The following PRRX2 variants were observed in gnomAD, a reference collection of about 807,000 sequenced individuals.
The protein encoded by PRRX2 is paired related homeobox 2, also known as paired mesoderm homeobox protein 2.
A neutral mutation model predicts 18.0 loss-of-function variants in PRRX2; 11 were observed. That is an observed-to-expected ratio of 0.61 (90% CI 0.39 to 1.01). The LOEUF (loss-of-function observed/expected upper bound fraction) is 1.01. PRRX2 is among the 50% of genes least tolerant of loss of function. The pLI is 0.01. For synonymous variants in PRRX2, 177 were observed against 154.8 expected (o/e 1.14, Z -1.06); for missense variants, 387 against 351.0 (o/e 1.10, Z -0.82).
intron 1 of PRRX2, among the ~76,000 whole-genome samples, chr9:129,698,905 T>G (rs371701884): frequency 7.9e-5 from 12 of 152,194 alleles, no homozygotes; most frequent in African/African-American, 2.9e-4. Context: ...AACAAGGTGG[T>G]TCGTTCCTAA....
chr9:129,700,671 G>A (rs1832482784), intron 1 of PRRX2, among the ~76,000 whole-genome samples: 1 of 152,104 alleles, frequency 6.6e-6, no homozygotes, highest in Admixed American at 6.6e-5. Flanking sequence ...AGGCTGGAGT[G>A]CAGTGGCACA....
intron 1 of PRRX2, among the ~76,000 whole-genome samples, chr9:129,710,062 G>A (rs182980228): frequency 1.6e-3 from 250 of 152,312 alleles, no homozygotes; most frequent in Non-Finnish European, 3.1e-3. Flanking sequence ...AGAGGCACAG[G>A]GCTTTTTGGG....
At chr9:129,669,005 G>A (rs542806600) in intron 1 of PRRX2, among the ~76,000 whole-genome samples, 32 of 151,820 alleles carry the variant, frequency 2.1e-4, no homozygotes, top group Admixed American at 1.6e-3. Flanking sequence ...AAATTAGTCA[G>A]GTGTGGTGAC....
chr9:129,717,691 G>A lies in PRRX2; in HGVS notation c.260-1540G>A, dbSNP rs1832727627. Among the ~76,000 whole-genome samples, 6 of 94,994 alleles carry A rather than the reference G, an allele frequency of 6.3e-5. No homozygotes were observed. In the South Asian group the frequency reaches 1.3e-3, roughly 21 times the overall value. The allele number at this position is 94,994 out of a possible 152,430, so 62.3% of individuals were successfully genotyped here. On this transcript the variant is annotated intron_variant, in intron 1 of 3. Transcript: ENST00000372469. Reference sequence around the variant, plus strand: ...AGCCTGGAGGACAGAACAAGACTCCGCCTCAAAAAAAAAAAAAAAAAAAGA... The same window carrying A: ...AGCCTGGAGGACAGAACAAGACTCCACCTCAAAAAAAAAAAAAAAAAAAGA...
intron 1 of PRRX2, among the ~76,000 whole-genome samples, chr9:129,689,036 G>A (rs1013696952): frequency 6.6e-6 from 1 of 152,220 alleles, no homozygotes; most frequent in African/African-American, 2.4e-5. Context: ...GAAATGTTGT[G>A]TGTCGTTGGC....
intron 1 of PRRX2, among the ~76,000 whole-genome samples, chr9:129,674,231 C>A (rs2119053470): frequency 6.6e-6 from 1 of 152,304 alleles, no homozygotes; most frequent in South Asian, 2.1e-4. Context: ...TTGTGCCCAG[C>A]CAGGCTCTGG....
In PRRX2 at chr9:129,715,750, T is replaced by TCTCTCTCTCACACACA. The variant is rs762929485; in HGVS notation, c.260-3480_260-3479insTCTCTCTCACACACAC. ...AAACCCAGCTTCAGGGACATCTTTC[T>TCTCTCTCTCACACACA]CACACACACACACACACACACACAC... On this transcript the variant is annotated intron_variant, in intron 1 of 3. Coordinates refer to ENST00000372469, the MANE Select transcript of PRRX2 (RefSeq NM_016307.4). This position sits in a 1 kb window ranked among gnomAD's most constrained non-coding sequence, Gnocchi z 4.0. 2.9e-4 allele frequency among the ~76,000 whole-genome samples: 40 copies of TCTCTCTCTCACACACA among 138,952 alleles called. No individual in the cohort carries two copies. Among genetic ancestry groups the TCTCTCTCTCACACACA allele is most frequent in the African/African-American group, 9.5e-4 (35 of 36,916 alleles). The allele number at this position is 138,952 out of a possible 152,430, so 91.2% of individuals were successfully genotyped here.
At chr9:129,697,775 C>G (rs528686525) in intron 1 of PRRX2, among the ~76,000 whole-genome samples, 2 of 152,134 alleles carry the variant, frequency 1.3e-5, no homozygotes, top group African/African-American at 4.8e-5. Context: ...ACCTGCCCCC[C>G]TGCTAGCGCC....
At chr9:129,682,350 T>C (rs1588164259) in intron 1 of PRRX2, among the ~76,000 whole-genome samples, 1 of 152,150 alleles carries the variant, frequency 6.6e-6, no homozygotes, top group Admixed American at 6.5e-5. Flanking sequence ...ATTACTGCCA[T>C]TGCTATTATT....
intron 1 of PRRX2, among the ~76,000 whole-genome samples, chr9:129,676,156 A>G (rs1832160577): frequency 6.6e-6 from 1 of 151,938 alleles, no homozygotes; most frequent in African/African-American, 2.4e-5. Flanking sequence ...CTGCTCAGTC[A>G]TTCACCCGCT....
At chr9:129,666,894 C>A (rs1056264135) in intron 1 of PRRX2, among the ~76,000 whole-genome samples, 1 of 152,212 alleles carries the variant, frequency 6.6e-6, no homozygotes, top group Non-Finnish European at 1.5e-5. Flanking sequence ...AGGCCCCTGT[C>A]CCCTAGCTCT....
At chr9:129,693,292 A>T (rs958799858) in intron 1 of PRRX2, among the ~76,000 whole-genome samples, 9 of 151,942 alleles carry the variant, frequency 5.9e-5, no homozygotes, top group South Asian at 2.1e-4. Flanking sequence ...ATAGTCTTTT[A>T]AAAAAAATAG....
intron 1 of PRRX2, among the ~76,000 whole-genome samples, chr9:129,680,971 C>T (rs1832220999): frequency 6.6e-6 from 1 of 152,216 alleles, no homozygotes. Flanking sequence ...AGATTAATTA[C>T]GACATCTAGA....
chr9:129,677,220 G>A (rs758538256), intron 1 of PRRX2, among the ~76,000 whole-genome samples: 12 of 152,232 alleles, frequency 7.9e-5, no homozygotes, highest in Non-Finnish European at 1.8e-4. Flanking sequence ...GCCAGTCTCC[G>A]AGCTCTAGGA....
At chr9:129,674,298 C>A (rs558248211) in intron 1 of PRRX2, among the ~76,000 whole-genome samples, 2 of 152,266 alleles carry the variant, frequency 1.3e-5, no homozygotes, top group African/African-American at 4.8e-5. Context: ...CTAATGATAT[C>A]TTTCCTTGTG....
At chr9:129,704,854 TCC>T (rs1423616311) in intron 1 of PRRX2, among the ~76,000 whole-genome samples, 1 of 152,104 alleles carries the variant, frequency 6.6e-6, no homozygotes, top group African/African-American at 2.4e-5. Context: ...CACCCCAAGT[TCC>T]CAACTGGCTC....
At chr9:129,716,491 G>A (rs1487949683) in intron 1 of PRRX2, among the ~76,000 whole-genome samples, 1 of 144,458 alleles carries the variant, frequency 6.9e-6, no homozygotes, top group Non-Finnish European at 1.5e-5. Context: ...GTCTCACTCT[G>A]TCGCCCAGGC....
chr9:129,720,913 T>G (rs929387068), intron 3 of PRRX2, 139 bp downstream of exon 3: 189 of 1,019,538 alleles, frequency 1.9e-4, no homozygotes, highest in Non-Finnish European at 2.3e-4. Flanking sequence ...GTACACCAAG[T>G]GATGTGTGGC....
intron 1 of PRRX2, among the ~76,000 whole-genome samples, chr9:129,680,406 AAAAAAAAAAAG>A (rs1832211724): frequency 1.4e-5 from 2 of 146,418 alleles, no homozygotes; most frequent in Admixed American, 1.4e-4. Context: ...GTCTCAAAAA[AAAAAAAAAAAG>A]AAAAGAAAAG....
Sources: allele counts gnomAD v4.1 joint callset (sites outside exome capture counted in the v4.1 genomes callset), GRCh38; gene constraint gnomAD v4.1.1; non-coding constraint Gnocchi (gnomAD v3.1); transcripts MANE v1.5; gene names NCBI Gene and HGNC (gene_info 2026-07-23, HGNC 2026-07-21).